Variants in NHS observed in about 807,000 individuals in gnomAD.
NHS encodes the protein NHS actin remodeling regulator, also known as actin remodeling regulator NHS.
NHS carries 5 observed loss-of-function variants against 72.5 expected under a neutral mutation model. The observed-to-expected ratio is 0.07, with a 90% confidence interval of 0.04 to 0.14. The LOEUF (loss-of-function observed/expected upper bound fraction) is 0.14, where lower values mean the gene tolerates loss of function less well. Among genes scored for constraint, NHS ranks in the 10% least tolerant of loss-of-function variants. NHS has a pLI of 1.00. For synonymous variants in NHS, 464 were observed against 547.7 expected (o/e 0.85, Z 2.13); for missense variants, 1,072 against 1,355.7 (o/e 0.79, Z 3.29).
At chrX:17,386,031 T>C (rs893138891) in intron 1 of NHS, among the ~76,000 whole-genome samples, 1 of 111,611 alleles carries the variant, frequency 9.0e-6, no homozygotes, top group Non-Finnish European at 1.9e-5. Context: ...GAGTGGGAAG[T>C]GGCCACCCCT....
In NHS at chrX:17,561,574, GCACACACACACA is replaced by G. The variant is rs530971006; in HGVS notation, c.566-126133_566-126122del. ...CAAGTGCATGCGCGCGCGCGCGCGC[GCACACACACACA>G]CACACACACACACACACACACACAC... On this transcript the variant is annotated intron_variant, in intron 1 of 8. Coordinates refer to ENST00000676302, the MANE Select transcript of NHS (RefSeq NM_001291867.2). Among the ~76,000 whole-genome samples the G allele has an allele frequency of 2.3e-3, 152 of 65,395 alleles. 1 individual carries two copies. Among genetic ancestry groups the G allele is most frequent in the Admixed American group, 0.013 (67 of 5,238 alleles). The allele number at this position is 65,395 out of a possible 115,157, so 56.8% of individuals were successfully genotyped here. A position where few individuals can be genotyped will look rare whatever the true frequency, so the allele number is the denominator to read the frequency against.
chrX:17,534,753 T>C (rs919740765), intron 1 of NHS, among the ~76,000 whole-genome samples: 1 of 112,498 alleles, frequency 8.9e-6, no homozygotes, highest in Non-Finnish European at 1.9e-5. Context: ...CCCAGATTCA[T>C]GTTCAATGTT....
In NHS at chrX:17,687,790, C is replaced by A. The variant is rs749528520; in HGVS notation, c.614C>A (p.Ala205Asp). Reference protein sequence around the residue: ...IESKLSVYYRAPWHQQRNIFL... With the variant: ...IESKLSVYYRDPWHQQRNIFL... ...AGTAAGCTGAGTGTGTACTACCGCG[C>A]CCCGTGGCACCAGCAGCGCAACATC... Residue 205 changes from alanine (A) to aspartate (D), a missense_variant, in exon 2 of 9, where the codon GCC becomes GAC. Ala to Asp is a moderately radical substitution (Grantham distance 126). Coordinates refer to ENST00000676302, the MANE Select transcript of NHS (RefSeq NM_001291867.2). 8.3e-7 allele frequency: 1 copy of A among 1,212,015 alleles called. No homozygotes were observed. The highest frequency in any genetic ancestry group is 1.7e-5 in the African/African-American group (1 of 57,837).
chrX:17,505,285 C>T (rs2065052188), intron 1 of NHS, among the ~76,000 whole-genome samples: 1 of 111,360 alleles, frequency 9.0e-6, no homozygotes, highest in African/African-American at 3.3e-5. Context: ...TATAATTTGG[C>T]TTACTTTTGC....
intron 1 of NHS, among the ~76,000 whole-genome samples, chrX:17,426,573 T>C (rs982113655): frequency 1.8e-5 from 2 of 112,314 alleles, no homozygotes; most frequent in African/African-American, 6.5e-5. Context: ...AAATAATTGC[T>C]AAGTTTCCTT....
At chrX:17,578,738 T>C (rs1178515821) in intron 1 of NHS, among the ~76,000 whole-genome samples, 1 of 112,491 alleles carries the variant, frequency 8.9e-6, no homozygotes, top group East Asian at 2.8e-4. Flanking sequence ...TAGATCTATC[T>C]GTCCAAGATA....
chrX:17,473,816 A>G (rs1032187232), intron 1 of NHS, among the ~76,000 whole-genome samples: 1 of 111,844 alleles, frequency 8.9e-6, no homozygotes, highest in African/African-American at 3.2e-5. Context: ...ATTAAACTTA[A>G]TTTCACCTCC....
chrX:17,513,660 A>T (rs2065101939), intron 1 of NHS, among the ~76,000 whole-genome samples: 1 of 111,152 alleles, frequency 9.0e-6, no homozygotes. Flanking sequence ...CAAGGTTGAG[A>T]CTCACTGGTT....
At chrX:17,600,043 A>G (rs766707184) in intron 1 of NHS, among the ~76,000 whole-genome samples, 1 of 111,733 alleles carries the variant, frequency 8.9e-6, no homozygotes, top group Admixed American at 9.6e-5. Context: ...AATGCCTGTA[A>G]TATTTTAAGT....
At chrX:17,477,524 G>GGGGAGTCATC (rs1253933764) in intron 1 of NHS, among the ~76,000 whole-genome samples, 1 of 112,090 alleles carries the variant, frequency 8.9e-6, no homozygotes, top group African/African-American at 3.2e-5. Context: ...TGAATGAGAT[G>GGGGAGTCATC]GGGAGTCACT....
In NHS at chrX:17,547,349, AC is replaced by A. The variant is rs2045217275; in HGVS notation, c.566-140388del. Among the ~76,000 whole-genome samples, 3 of 111,691 alleles carry A rather than the reference AC, an allele frequency of 2.7e-5. No individual in the cohort carries two copies. In the South Asian group the frequency reaches 1.1e-3, roughly 42 times the overall value. ...CAGGCAAGTCACGAGTCATCTGGAT[AC>A]CCCCTTTTTTCGTGTATTGAGCATC... On this transcript the variant is annotated intron_variant, in intron 1 of 8. Transcript: ENST00000676302.
intron 1 of NHS, among the ~76,000 whole-genome samples, chrX:17,447,745 T>G (rs2064787456): frequency 9.6e-6 from 1 of 104,652 alleles, no homozygotes; most frequent in African/African-American, 3.6e-5. Flanking sequence ...AATAAAAATT[T>G]GGACTTTGGC....
At chrX:17,551,191 C>T (rs1237605233) in intron 1 of NHS, among the ~76,000 whole-genome samples, 2 of 111,575 alleles carry the variant, frequency 1.8e-5, no homozygotes, top group African/African-American at 6.5e-5. Context: ...TTAGTATCCA[C>T]CTCCCCCACT....
intron 1 of NHS, among the ~76,000 whole-genome samples, chrX:17,589,734 T>G (rs1342237858): frequency 8.9e-6 from 1 of 111,909 alleles, no homozygotes; most frequent in Admixed American, 9.5e-5. Flanking sequence ...AGATCTACTT[T>G]TAGTTCTTTA....
At chrX:17,583,584 T>G in intron 1 of NHS, among the ~76,000 whole-genome samples, 1 of 112,335 alleles carries the variant, frequency 8.9e-6, no homozygotes, top group Non-Finnish European at 1.9e-5. Flanking sequence ...ACAGGTGAAT[T>G]CGGAAGACCT....
chrX:17,731,224 C>CT lies in NHS; in HGVS notation c.4350-606dup, dbSNP rs142686353. ...GTTTAGTTAGCAGTATAGTTTCTTC[C>CT]TTTTTTTTTTTTTTTTTTTTTTTTT... On this transcript the variant is annotated intron_variant, in intron 8 of 8. Transcript: ENST00000676302. Among the ~76,000 whole-genome samples, 344 of 34,847 alleles carry CT rather than the reference C, an allele frequency of 9.9e-3. 34 individuals carry two copies. The highest frequency in any genetic ancestry group is 0.026 in the African/African-American group (207 of 8,091). The allele number at this position is 34,847 out of a possible 115,157, so 30.3% of individuals were successfully genotyped here.
intron 1 of NHS, among the ~76,000 whole-genome samples, chrX:17,685,326 G>A (rs1281338061): frequency 2.7e-5 from 3 of 111,960 alleles, no homozygotes; most frequent in South Asian, 7.5e-4. Context: ...GCAGAAATCC[G>A]ATATAGCTTC....
intron 1 of NHS, among the ~76,000 whole-genome samples, chrX:17,386,534 C>T (rs141483585): frequency 0.014 from 1,547 of 109,551 alleles, 26 homozygotes; most frequent in African/African-American, 0.049. Context: ...TGGTGGCATG[C>T]GCCTGTAATC....
chrX:17,585,555 A>G (rs16980643), intron 1 of NHS, among the ~76,000 whole-genome samples: 6,443 of 109,769 alleles, frequency 0.059, 446 homozygotes, highest in African/African-American at 0.2. Context: ...GATTTTCTTC[A>G]TGGTTGCTCT....
Sources: gnomAD v4.1 joint callset for allele counts (sites outside exome capture counted in the v4.1 genomes callset) on GRCh38, gnomAD v4.1.1 for gene constraint, MANE v1.5 for transcripts, NCBI Gene and HGNC (gene_info 2026-07-23, HGNC 2026-07-21) for gene names.